TOPORS: variants seen among roughly 807,000 people sequenced by gnomAD.
TOPORS encodes E3 ubiquitin-protein ligase Topors.
TOPORS carries 25 observed loss-of-function variants against 81.4 expected under a neutral mutation model. The observed-to-expected ratio is 0.31, with a 90% confidence interval of 0.22 to 0.43. TOPORS has a LOEUF of 0.43. Ranked by LOEUF, TOPORS falls within the 20% of genes least tolerant of loss-of-function variation. The pLI, the probability that TOPORS is intolerant of heterozygous loss-of-function variation, is 1.00. For missense variants in TOPORS, 1,101 were observed against 1,267.0 expected, an observed-to-expected ratio of 0.87 and a Z score of 1.99; for synonymous variants, 473 against 456.6, an observed-to-expected ratio of 1.04 and a Z score of -0.46.
rs189325312 is a variant in TOPORS at position 32,541,520 on chromosome 9, C to T, written c.3005G>A (p.Ser1002Asn). The T allele has an allele frequency of 2.6e-4, 427 of 1,614,218 alleles. 3 individuals are homozygous for T. Among genetic ancestry groups the T allele is most frequent in the Non-Finnish European group, 4.3e-5 (51 of 1,180,012 alleles). ...GTTCTCCAAATCAGAAACAAAGGTG[C>T]TCTCTTCTCTTACATCGAGAGTTTG... ...VEQTLDVREE[S>N]TFVSDLENQP... Residue 1002 changes from serine to asparagine, a missense_variant, in exon 3 of 3, where the codon AGC becomes AAC. Physicochemically the swap from Ser to Asn is conservative, Grantham distance 46. This residue lies in a region of TOPORS where 605 missense variants were observed against 636.1 expected (regional missense o/e 0.95). Coordinates refer to ENST00000360538, the MANE Select transcript of TOPORS (RefSeq NM_005802.5).
chr9:32,546,698 CA>C (rs1428796082), intron 2 of TOPORS, among the ~76,000 whole-genome samples: 1 of 152,086 alleles, frequency 6.6e-6, no homozygotes, highest in Non-Finnish European at 1.5e-5. Context: ...AAAATCTCAA[CA>C]AAGTATGATT....
Position 32,550,698 on chromosome 9 carries a change from G to A in TOPORS, c.198+76C>T, listed in dbSNP as rs538906334. 37 of 1,563,096 alleles carry A rather than the reference G, an allele frequency of 2.4e-5. No individual in the cohort carries two copies. The East Asian group carries it at 8.1e-4, about 34-fold the overall frequency. The stretch of plus-strand genomic sequence containing the variant: ...ATGACCGCAACCCTCGGGTCCCGAG[G>A]CGCCGCTCCAGGCGGGAGCGCCAAC... On this transcript the variant is annotated intron_variant, in intron 2 of 2. Transcript: ENST00000360538.
chr9:32,547,872 C>A (rs879613671), intron 2 of TOPORS, among the ~76,000 whole-genome samples: 45 of 152,194 alleles, frequency 3.0e-4, no homozygotes, highest in Non-Finnish European at 4.9e-4. Flanking sequence ...TGCTGTGTCG[C>A]CCAGGCTGGA....
Position 32,542,665 on chromosome 9 carries a change from C to G in TOPORS, c.1860G>C (p.Gly620=), listed in dbSNP as rs1362302394. The G allele has an allele frequency of 6.2e-7, 1 of 1,613,990 alleles. No homozygotes were observed. Among genetic ancestry groups the G allele is most frequent in the Non-Finnish European group, 8.5e-7 (1 of 1,179,988 alleles). ...HDQKNHRKHH[G]KKRMKSKRSR... is the part of the protein sequence containing the mutation. The stretch of plus-strand genomic sequence containing the variant: ...ATCGTTTACTTTTCATTCTTTTCTT[C>G]CCATGATGCTTTCTATGATTCTTCT... The change falls in exon 3 of 3, where the codon GGG becomes GGC. Residue 620 remains glycine (G), a synonymous_variant. Transcript: ENST00000360538.
chr9:32,546,593 T>G (rs527621012), intron 2 of TOPORS, among the ~76,000 whole-genome samples: 1 of 152,312 alleles, frequency 6.6e-6, no homozygotes, highest in African/African-American at 2.4e-5. Flanking sequence ...AATTTTAGTG[T>G]TTTCTGAACA....
chr9:32,544,818 T>C (rs1398983716), intron 2 of TOPORS, among the ~76,000 whole-genome samples: 1 of 152,106 alleles, frequency 6.6e-6, no homozygotes, highest in African/African-American at 2.4e-5. Flanking sequence ...TCCCCTCCTA[T>C]CACTCTCTAG....
In TOPORS at chr9:32,542,459, C is replaced by T. The variant is rs2118966351; in HGVS notation, c.2066G>A (p.Arg689His). 1.2e-6 allele frequency: 2 copies of T among 1,613,488 alleles called. No homozygotes were observed. Among genetic ancestry groups the T allele is most frequent in the East Asian group, 2.2e-5 (1 of 44,862 alleles). Residue 689 changes from arginine to histidine, a missense_variant, in exon 3 of 3, where the codon CGT becomes CAT. Transcript: ENST00000360538. ...TCCATAATTATTTCTTAAATAATAA[C>T]GATCTCTATTTCTGCTCCGTGATCT... Reference protein sequence around the residue: ...KRRSRSRNRDRYYLRNNYGSR... With the variant: ...KRRSRSRNRDHYYLRNNYGSR...
rs1821042598 is a variant in TOPORS at position 32,540,643 on chromosome 9, A to G, written c.*744T>C. The G allele has an allele frequency of 6.6e-6, 1 of 152,544 alleles. No individual in the cohort carries two copies. The highest frequency in any genetic ancestry group is 6.5e-5 in the Admixed American group (1 of 15,278). 9.4% of individuals were successfully genotyped at this position (152,544 alleles called of 1,614,324 possible). A position where few individuals can be genotyped will look rare whatever the true frequency, so the allele number is the denominator to read the frequency against. ...CTCCTCAAAATCAAAGAAAATAATT[A>G]AAACTATAAAGTATTTGTTCACCTG... On this transcript the variant is annotated 3_prime_UTR_variant, in exon 3 of 3. Coordinates refer to ENST00000360538, the MANE Select transcript of TOPORS (RefSeq NM_005802.5).
intron 2 of TOPORS, among the ~76,000 whole-genome samples, chr9:32,547,762 T>A (rs1455685731): frequency 6.6e-6 from 1 of 152,216 alleles, no homozygotes; most frequent in Non-Finnish European, 1.5e-5. Context: ...GTTGTACAAC[T>A]CTGTAAATAT....
chr9:32,551,484 G>A (rs768379192), intron 1 of TOPORS: 1 of 267,244 alleles, frequency 3.7e-6, no homozygotes, highest in African/African-American at 2.2e-5. Context: ...GGAGAAACAG[G>A]ACAACCTAAC....
intron 2 of TOPORS, 105 bp downstream of exon 2, chr9:32,550,669 G>A: frequency 4.4e-6 from 6 of 1,360,082 alleles, no homozygotes; most frequent in Admixed American, 3.6e-5. Context: ...CAGCCCCGCA[G>A]GCCATGACCG....
chr9:32,544,452 T>C, intron 2 of TOPORS, 126 bp from the exon 3 acceptor site: 1 of 945,844 alleles, frequency 1.1e-6, no homozygotes, highest in Non-Finnish European at 1.6e-6. Flanking sequence ...CCCATTACTT[T>C]TGTTTTATTT....
In TOPORS at chr9:32,550,912, C is replaced by A. The variant is rs755793645; in HGVS notation, c.60G>T (p.Pro20=). 6.2e-7 allele frequency: 1 copy of A among 1,612,722 alleles called. No homozygotes were observed. Among genetic ancestry groups the A allele is most frequent in the Non-Finnish European group, 8.5e-7 (1 of 1,179,830 alleles). Residue 20 remains proline, a synonymous_variant, in exon 2 of 3, where the codon CCG becomes CCT. Transcript: ENST00000360538. ...GCCTACCCTCCGAAGCGGGAGCAGG[C>A]GGGGGCGCTTCACCCTCCTCGCGAG... ...PLSREEGEAP[P]PAPASEGRRR...
At position 32,541,622 on chromosome 9, in the gene TOPORS, A is replaced by G. The variant is rs753219301; in HGVS notation, c.2903T>C (p.Ile968Thr). Reference protein sequence around the residue: ...EFGVLDKECDIATLSNNLNNA... With the variant: ...EFGVLDKECDTATLSNNLNNA... ...ATTCAAGTTGTTACTAAGTGTGGCAATATCACATTCCTTGTCCAGCACACC... is the reference window on the plus strand; with the variant it reads ...ATTCAAGTTGTTACTAAGTGTGGCAGTATCACATTCCTTGTCCAGCACACC... The change falls in exon 3 of 3, where the codon ATT becomes ACT. Residue 968 changes from isoleucine to threonine, a missense_variant. Transcript: ENST00000360538. 3.8e-5 allele frequency: 62 copies of G among 1,614,070 alleles called. No individual in the cohort carries two copies. The highest frequency in any genetic ancestry group is 4.9e-5 in the Non-Finnish European group (58 of 1,180,042).
rs779913865 is a variant in TOPORS, at chr9:32,544,175, T to C, written c.350A>G (p.Asp117Gly). The change falls in exon 3 of 3, where the codon GAT (aspartate) becomes GGT (glycine). Residue 117 changes from aspartate (D) to glycine (G), a missense_variant. Transcript: ENST00000360538. Reference protein sequence around the residue: ...LDRFDNVSYLDRCLHKFCFRC... With the variant: ...LDRFDNVSYLGRCLHKFCFRC... ...AAAACAGAACTTATGTAAGCAGCGATCTAAGTAAGACACATTATCAAATCT... is the reference window on the plus strand; with the variant it reads ...AAAACAGAACTTATGTAAGCAGCGACCTAAGTAAGACACATTATCAAATCT... 2.5e-6 allele frequency: 4 copies of C among 1,613,800 alleles called. No homozygotes were observed. Among genetic ancestry groups the C allele is most frequent in the Non-Finnish European group, 3.4e-6 (4 of 1,180,034 alleles).
chr9:32,546,722 T>G (rs1705256352), intron 2 of TOPORS, among the ~76,000 whole-genome samples: 1 of 152,158 alleles, frequency 6.6e-6, no homozygotes, highest in Non-Finnish European at 1.5e-5. Context: ...TTTAAAAAAA[T>G]GAAACCTTAC....
chr9:32,543,013 T>TAA lies in TOPORS; in HGVS notation c.1510_1511dup (p.Leu504PhefsTer2). On this transcript the variant is annotated frameshift_variant, in exon 3 of 3. Transcript: ENST00000360538. LOFTEE classifies it high-confidence loss of function. This position sits in a 1 kb window ranked among gnomAD's most constrained non-coding sequence, Gnocchi z 5.6. ...CTGTCTCCATTTTCTCATAAGAACC[T>TAA]AAGTCCTCAGAATCAGAGGACAGTT... The TAA allele has an allele frequency of 1.2e-6, 2 of 1,614,208 alleles. No individual in the cohort carries two copies. Among genetic ancestry groups the TAA allele is most frequent in the Non-Finnish European group, 1.7e-6 (2 of 1,180,030 alleles).
At position 32,542,049 on chromosome 9, in the gene TOPORS, G is replaced by C; in HGVS notation, c.2476C>G (p.Gln826Glu). Reference protein sequence around the residue: ...FASKAKDSHYQKSSSKLDGNY... With the variant: ...FASKAKDSHYEKSSSKLDGNY... ...CCATCCAATTTTGATGAAGATTTTT[G>C]GTAATGACTGTCCTTTGCTTTAGAA... is the stretch of plus-strand genomic sequence containing the variant. Residue 826 changes from glutamine to glutamate, a missense_variant, in exon 3 of 3, where the codon CAA (glutamine) becomes GAA (glutamate). Physicochemically the swap from Gln to Glu is conservative, Grantham distance 29. Around this residue, in one of 9 missense-constraint regions of TOPORS, gnomAD observed 605 missense variants for 636.1 expected, o/e 0.95. Coordinates refer to ENST00000360538, the MANE Select transcript of TOPORS (RefSeq NM_005802.5). The C allele has an allele frequency of 1.2e-6, 2 of 1,613,966 alleles. No individual in the cohort carries two copies. The highest frequency in any genetic ancestry group is 1.7e-6 in the Non-Finnish European group (2 of 1,179,984).
In TOPORS at chr9:32,551,879, A is replaced by G. The variant is rs1238897412; in HGVS notation, c.3+555T>C. The G allele has an allele frequency of 3.7e-5, 15 of 400,370 alleles. No homozygotes were observed. In the Admixed American group the frequency reaches 4.1e-4, roughly 11 times the overall value. The allele number at this position is 400,370 out of a possible 1,614,324, so 24.8% of individuals were successfully genotyped here. A position where few individuals can be genotyped will look rare whatever the true frequency, so the allele number is the denominator to read the frequency against. Reference sequence around the variant, plus strand: ...ACGTTTCTGAAGAATGGCTCGATTTACAGGGGTTCCCACAACGATTTGTCA... The same window carrying G: ...ACGTTTCTGAAGAATGGCTCGATTTGCAGGGGTTCCCACAACGATTTGTCA... On this transcript the variant is annotated intron_variant, in intron 1 of 2. Coordinates refer to ENST00000360538, the MANE Select transcript of TOPORS (RefSeq NM_005802.5).
Sources: allele counts gnomAD v4.1 joint callset (sites outside exome capture counted in the v4.1 genomes callset), GRCh38; gene constraint gnomAD v4.1.1; regional missense constraint gnomAD v4.1.1; non-coding constraint Gnocchi (gnomAD v3.1); transcripts MANE v1.5; gene names NCBI Gene and HGNC (gene_info 2026-07-23, HGNC 2026-07-21).